KIAA1210: variants seen among roughly 807,000 people sequenced by gnomAD.
KIAA1210 encodes KIAA1210, also known as acrosomal protein KIAA1210.
In KIAA1210, 48 loss-of-function variants were observed where a neutral mutation model predicts 78.9. The ratio of observed to expected loss-of-function variants is 0.61; its 90% CI spans 0.48 to 0.77. KIAA1210 has a LOEUF of 0.77. KIAA1210 is among the 30% of genes least tolerant of loss of function. The pLI, the probability that KIAA1210 is intolerant of heterozygous loss-of-function variation, is 0.00. For missense variants in KIAA1210, 1,108 were observed against 1,100.0 expected (o/e 1.01, Z -0.10); for synonymous variants, 406 against 404.5 (o/e 1.00, Z -0.04).
chrX:119,149,681 T>C (rs974232779), intron 1 of KIAA1210, among the ~76,000 whole-genome samples: 6 of 112,481 alleles, frequency 5.3e-5, no homozygotes, highest in Middle Eastern at 4.6e-3. Flanking sequence ...CATATGCACA[T>C]ACAACATCCA....
intron 11 of KIAA1210, among the ~76,000 whole-genome samples, 165 bp from the exon 12 acceptor site, chrX:119,081,669 T>A (rs895992145): frequency 7.1e-5 from 8 of 112,223 alleles, no homozygotes; most frequent in African/African-American, 2.6e-4. Context: ...CTTCTAAAAG[T>A]TAGGACCTGT....
At chrX:119,136,337 C>T (rs1218270660) in intron 2 of KIAA1210, among the ~76,000 whole-genome samples, 1 of 112,514 alleles carries the variant, frequency 8.9e-6, no homozygotes, top group Non-Finnish European at 1.9e-5. Flanking sequence ...ATCTTGCAGC[C>T]TTTTGGCCCA....
Position 119,079,972 on chromosome X carries a change from T to A in KIAA1210, c.*1357A>T, listed in dbSNP as rs1438119020. On this transcript the variant is annotated 3_prime_UTR_variant, in exon 12 of 12. Transcript: ENST00000691062. ...AAGGACAAGAAGCTACATGGAGTTC[T>A]CCACCTTAATGCTGGAACCAGAGAG... 1 of 112,084 alleles carries A rather than the reference T, an allele frequency of 8.9e-6. No homozygotes were observed. The highest frequency in any genetic ancestry group is 3.2e-5 in the African/African-American group (1 of 30,785). The allele number at this position is 112,084 out of a possible 1,213,427, so 9.2% of individuals were successfully genotyped here.
At chrX:119,150,192 T>G in intron 1 of KIAA1210, 2 of 896,612 alleles carry the variant, frequency 2.2e-6, no homozygotes, top group Non-Finnish European at 3.1e-6. Context: ...GGTCTGTCTG[T>G]TATATAAACA....
At position 119,080,991 on chromosome X, in the gene KIAA1210, G is replaced by A. The variant is rs1284072234; in HGVS notation, c.*338C>T. The A allele has an allele frequency of 2.9e-5, 4 of 139,604 alleles. No individual in the cohort carries two copies. Among genetic ancestry groups the A allele is most frequent in the Non-Finnish European group, 5.6e-5 (4 of 71,770 alleles). The allele number at this position is 139,604 out of a possible 1,213,427, so 11.5% of individuals were successfully genotyped here. Reference sequence around the variant, plus strand: ...TTAAAACGCTGATGCTTGGCCGGGCGCGGTGGCTCACGCCTGTAATCCCAG... The same window carrying A: ...TTAAAACGCTGATGCTTGGCCGGGCACGGTGGCTCACGCCTGTAATCCCAG... On this transcript the variant is annotated 3_prime_UTR_variant, in exon 12 of 12. Transcript: ENST00000691062.
At position 119,088,657 on chromosome X, in the gene KIAA1210, T is replaced by C; in HGVS notation, c.2045A>G (p.Glu682Gly). ...EVFTESSSYV[E>G]KYNTSDDCSS... Reference sequence around the variant, plus strand: ...GCAATCATCAGAAGTGTTGTACTTTTCAACATAACTGCTTGATTCTGTGAA... The same window carrying C: ...GCAATCATCAGAAGTGTTGTACTTTCCAACATAACTGCTTGATTCTGTGAA... Residue 682 changes from glutamate to glycine, a missense_variant, in exon 9 of 12, where the codon GAA becomes GGA. Around this residue, in one of 5 missense-constraint regions of KIAA1210, gnomAD observed 672 missense variants for 607.1 expected, o/e 1.11. Coordinates refer to ENST00000691062, the MANE Select transcript of KIAA1210 (RefSeq NM_001394962.1). 8.3e-7 allele frequency: 1 copy of C among 1,211,205 alleles called. No homozygotes were observed. Among genetic ancestry groups the C allele is most frequent in the Non-Finnish European group, 1.1e-6 (1 of 895,172 alleles).
intron 2 of KIAA1210, among the ~76,000 whole-genome samples, chrX:119,141,247 C>G (rs1289183196): frequency 8.9e-6 from 1 of 112,019 alleles, no homozygotes. Context: ...GTACCATGAT[C>G]CTTAGTTCAT....
chrX:119,125,698 C>T (rs1263133877), intron 1 of KIAA1210, among the ~76,000 whole-genome samples: 1 of 49,159 alleles, frequency 2.0e-5, no homozygotes, highest in Non-Finnish European at 3.8e-5. Flanking sequence ...GCGTGCTCCA[C>T]CATGCCCAGC....
chrX:119,109,712 A>G (rs1928010664), intron 3 of KIAA1210, among the ~76,000 whole-genome samples: 1 of 111,840 alleles, frequency 8.9e-6, no homozygotes, highest in Admixed American at 9.5e-5. Context: ...GATCTTTCAC[A>G]TCCAAATTTC....
chrX:119,107,461 G>A (rs1408912631), intron 5 of KIAA1210, among the ~76,000 whole-genome samples: 1 of 111,620 alleles, frequency 9.0e-6, no homozygotes, highest in Non-Finnish European at 1.9e-5. Flanking sequence ...CTATGGAGGT[G>A]AGTGAAAGCT....
At chrX:119,093,167 G>T (rs760904912) in intron 8 of KIAA1210, among the ~76,000 whole-genome samples, 1 of 112,152 alleles carries the variant, frequency 8.9e-6, no homozygotes, top group South Asian at 3.7e-4. Flanking sequence ...AACCCTCTTT[G>T]TCCAAGGATG....
chrX:119,126,914 T>C (rs769673008), intron 1 of KIAA1210, among the ~76,000 whole-genome samples: 11 of 110,258 alleles, frequency 1.0e-4, no homozygotes, highest in Non-Finnish European at 2.1e-4. Flanking sequence ...CTAGAAAAAA[T>C]ACAAAACAAA....
At chrX:119,084,824 T>C (rs746546016) in intron 10 of KIAA1210, among the ~76,000 whole-genome samples, 1 of 112,348 alleles carries the variant, frequency 8.9e-6, no homozygotes, top group East Asian at 2.8e-4. Flanking sequence ...TGCTTTAGAA[T>C]ATTGAGGGCA....
upstream of KIAA1210, among the ~76,000 whole-genome samples, chrX:119,130,397 C>T (rs1231977531): frequency 8.9e-6 from 1 of 112,866 alleles, no homozygotes; most frequent in Non-Finnish European, 1.9e-5. Context: ...AGACCCAGCT[C>T]AAAGGTACCG....
intron 5 of KIAA1210, among the ~76,000 whole-genome samples, chrX:119,107,629 A>C (rs1339295188): frequency 8.9e-6 from 1 of 112,317 alleles, no homozygotes; most frequent in Non-Finnish European, 1.9e-5. Flanking sequence ...TCTATAGCTA[A>C]AGGATCCAGA....
At chrX:119,132,242 T>G (rs1215783514), upstream of KIAA1210, among the ~76,000 whole-genome samples, 1 of 112,243 alleles carries the variant, frequency 8.9e-6, no homozygotes, top group Non-Finnish European at 1.9e-5. Context: ...TCTGGACTCT[T>G]GACTCATAGA....
At chrX:119,121,615 A>AT (rs1241381637) in intron 2 of KIAA1210, among the ~76,000 whole-genome samples, 1 of 112,259 alleles carries the variant, frequency 8.9e-6, no homozygotes, top group Non-Finnish European at 1.9e-5. Flanking sequence ...CTAATGAGAA[A>AT]TGGTTGCCTC....
At chrX:119,114,604 G>T (rs1405431956) in intron 3 of KIAA1210, among the ~76,000 whole-genome samples, 4 of 112,355 alleles carry the variant, frequency 3.6e-5, no homozygotes, top group Non-Finnish European at 7.5e-5. Context: ...AACCAGTGTA[G>T]CATCTGTGAC....
chrX:119,090,487 G>A (rs767133675), intron 8 of KIAA1210, among the ~76,000 whole-genome samples: 21 of 110,176 alleles, frequency 1.9e-4, no homozygotes, highest in African/African-American at 6.9e-4. Context: ...GGTCAGGCTG[G>A]TCTGGAACTC....
Sources: gnomAD v4.1 joint callset for allele counts (sites outside exome capture counted in the v4.1 genomes callset) on GRCh38, gnomAD v4.1.1 for gene constraint, gnomAD v4.1.1 regional missense constraint, MANE v1.5 for transcripts, NCBI Gene and HGNC (gene_info 2026-07-23, HGNC 2026-07-21) for gene names.